Variants in GAB4 observed in about 807,000 individuals in gnomAD.
GAB4 encodes GRB2 associated binding protein family member 4, also known as GRB2-associated-binding protein 4.
Under a neutral mutation model 51.3 loss-of-function variants are expected in GAB4, and 26 were observed. The observed-to-expected ratio is 0.51, with a 90% confidence interval of 0.37 to 0.70. The LOEUF (loss-of-function observed/expected upper bound fraction) is 0.70. Among genes scored for constraint, GAB4 ranks in the 30% least tolerant of loss-of-function variants. The probability of loss-of-function intolerance (pLI) is 0.00; values close to 1 mark genes in which losing one functional copy is unlikely to be tolerated. For synonymous variants in GAB4, 329 were observed against 291.2 expected (o/e 1.13, Z -1.32); for missense variants, 759 against 734.6 (o/e 1.03, Z -0.38).
intron 2 of GAB4, 100 bp from the exon 3 acceptor site, chr22:16,988,267 T>C: frequency 2.5e-6 from 2 of 791,824 alleles, no homozygotes; most frequent in Non-Finnish European, 4.4e-6. Flanking sequence ...ACCAGCACTC[T>C]TCCTCTCACA....
At chr22:16,983,286 C>A (rs1404598372) in intron 3 of GAB4, among the ~76,000 whole-genome samples, 3 of 152,170 alleles carry the variant, frequency 2.0e-5, no homozygotes, top group Non-Finnish European at 4.4e-5. Flanking sequence ...CCTGGTCCCA[C>A]TTTCACTCTT....
intron 5 of GAB4, 122 bp from the exon 6 acceptor site, chr22:16,966,486 C>T: frequency 1.0e-6 from 1 of 995,990 alleles, no homozygotes; most frequent in Non-Finnish European, 1.4e-6. Flanking sequence ...TTTTGATCAC[C>T]TTGGCTGGGG....
chr22:16,990,541 C>T (rs1056621864), intron 2 of GAB4, among the ~76,000 whole-genome samples: 2 of 151,990 alleles, frequency 1.3e-5, no homozygotes, highest in African/African-American at 4.8e-5. Context: ...CTAACCCTGT[C>T]CTGTCACCCC....
chr22:16,963,597 A>T (rs2060646777), intron 9 of GAB4, 128 bp downstream of exon 9: 1 of 693,560 alleles, frequency 1.4e-6, no homozygotes. Context: ...CACTGAGCAT[A>T]AGAGCCAGGC....
chr22:16,962,913 C>A, intron 9 of GAB4, 37 bp from the exon 10 acceptor site: 1 of 1,587,998 alleles, frequency 6.3e-7, no homozygotes, highest in Non-Finnish European at 8.6e-7. Flanking sequence ...GTGGCAGTGT[C>A]TGTGAGTTCC....
At chr22:16,977,889 A>G (rs137938716) in intron 3 of GAB4, among the ~76,000 whole-genome samples, 3 of 152,238 alleles carry the variant, frequency 2.0e-5, no homozygotes, top group African/African-American at 7.2e-5. Context: ...TCAAAAATGC[A>G]CAACTACATG....
intron 9 of GAB4, among the ~76,000 whole-genome samples, chr22:16,963,463 C>T (rs1198885741): frequency 6.6e-6 from 1 of 152,302 alleles, no homozygotes; most frequent in Non-Finnish European, 1.5e-5. Flanking sequence ...CTGATTTATT[C>T]CACAACCTCC....
At chr22:16,969,912 G>A in intron 4 of GAB4, 31 bp downstream of exon 4, 1 of 1,613,552 alleles carries the variant, frequency 6.2e-7, no homozygotes. Context: ...CTGGAACAGG[G>A]TGCTTCTGGG....
In GAB4 at chr22:16,962,688, C is replaced by A; in HGVS notation, c.*45G>T. On this transcript the variant is annotated 3_prime_UTR_variant, in exon 10 of 10. Coordinates refer to ENST00000400588, the MANE Select transcript of GAB4 (RefSeq NM_001037814.1). ...AGAGCTTTAGAGTGTGGCGGAGCAG[C>A]TCTGAGGCACTGTCCTGGCCCCACT... 6.4e-7 allele frequency: 1 copy of A among 1,573,196 alleles called. No homozygotes were observed. Among genetic ancestry groups the A allele is most frequent in the Non-Finnish European group, 8.6e-7 (1 of 1,158,386 alleles).
intron 1 of GAB4, among the ~76,000 whole-genome samples, chr22:17,003,996 C>T (rs2061018910): frequency 1.3e-5 from 2 of 152,088 alleles, no homozygotes; most frequent in South Asian, 2.1e-4. Flanking sequence ...GGGGTATCAC[C>T]GCTGATCCCA....
At chr22:16,963,072 C>T (rs2060642031) in intron 9 of GAB4, among the ~76,000 whole-genome samples, 196 bp from the exon 10 acceptor site, 1 of 152,194 alleles carries the variant, frequency 6.6e-6, no homozygotes, top group African/African-American at 2.4e-5. Flanking sequence ...TGCCATAGCC[C>T]TGGCCAGCAC....
chr22:16,976,286 A>G (rs551772059), intron 3 of GAB4, among the ~76,000 whole-genome samples: 1 of 152,356 alleles, frequency 6.6e-6, no homozygotes, highest in African/African-American at 2.4e-5. Flanking sequence ...AGGTTACAGG[A>G]ACTGCTAACT....
At position 16,997,502 on chromosome 22, in the gene GAB4, G is replaced by A. The variant is rs181722345; in HGVS notation, c.175-5326C>T. Among the ~76,000 whole-genome samples the A allele has an allele frequency of 2.0e-5, 3 of 152,162 alleles. No homozygotes were observed. In the East Asian group the frequency reaches 5.8e-4, roughly 29 times the overall value. ...TTTTTGATGGTGTTGATTTTTTCTT[G>A]TAAATTTGTTTAAGTTCTTTGTAGA... is the stretch of plus-strand genomic sequence containing the variant. On this transcript the variant is annotated intron_variant, in intron 1 of 9. Transcript: ENST00000400588.
intron 3 of GAB4, among the ~76,000 whole-genome samples, chr22:16,978,583 A>G (rs2060800706): frequency 6.6e-6 from 1 of 152,218 alleles, no homozygotes; most frequent in South Asian, 2.1e-4. Flanking sequence ...ATGGATTCAC[A>G]GCCGAATTCT....
chr22:16,971,477 C>A (rs1274919774), intron 3 of GAB4, among the ~76,000 whole-genome samples: 8 of 152,212 alleles, frequency 5.3e-5, no homozygotes, highest in Non-Finnish European at 1.2e-4. Flanking sequence ...GGATGTAGTT[C>A]TGAGCAAGTA....
At position 16,962,645 on chromosome 22, in the gene GAB4, T is replaced by A; in HGVS notation, c.*88A>T. The A allele has an allele frequency of 8.1e-7, 1 of 1,232,912 alleles. No homozygotes were observed. Among genetic ancestry groups the A allele is most frequent in the Admixed American group, 2.1e-5 (1 of 47,702 alleles). The allele number at this position is 1,232,912 out of a possible 1,614,324, so 76.4% of individuals were successfully genotyped here. On this transcript the variant is annotated 3_prime_UTR_variant, in exon 10 of 10. Transcript: ENST00000400588. ...AGGCCTCTGCTCTCTATGTAAGGGA[T>A]GCGGTCCCTGATATTACAGAGCTTT...
At chr22:16,974,900 G>A (rs2060764203) in intron 3 of GAB4, among the ~76,000 whole-genome samples, 1 of 152,188 alleles carries the variant, frequency 6.6e-6, no homozygotes, top group Admixed American at 6.5e-5. Flanking sequence ...CACCAGGGAA[G>A]CACAAAGTGT....
At chr22:16,973,489 G>A (rs1325912001) in intron 3 of GAB4, among the ~76,000 whole-genome samples, 1 of 152,020 alleles carries the variant, frequency 6.6e-6, no homozygotes, top group East Asian at 1.9e-4. Context: ...GCCTGCCCCA[G>A]GTCCCTTACT....
chr22:16,975,966 G>A (rs1337615531), intron 3 of GAB4, among the ~76,000 whole-genome samples: 1 of 151,568 alleles, frequency 6.6e-6, no homozygotes, highest in East Asian at 1.9e-4. Context: ...CTAACAAACA[G>A]AAAGGAATAG....
Sources: allele counts gnomAD v4.1 joint callset (sites outside exome capture counted in the v4.1 genomes callset), GRCh38; gene constraint gnomAD v4.1.1; transcripts MANE v1.5; gene names NCBI Gene and HGNC (gene_info 2026-07-23, HGNC 2026-07-21).